The following MAP4K4 variants were observed in gnomAD, a reference collection of about 807,000 sequenced individuals.
MAP4K4 encodes HPK/GCK-like kinase HGK.
In MAP4K4, 38 loss-of-function variants were observed where a neutral mutation model predicts 189.6. The observed-to-expected ratio is 0.20, with a 90% CI of 0.15 to 0.26. MAP4K4 has a LOEUF of 0.26. Among genes scored for constraint, MAP4K4 ranks in the 10% least tolerant of loss-of-function variants. The pLI is 1.00. For missense variants in MAP4K4, 1,054 were observed against 1,726.9 expected (o/e 0.61, Z 6.91); for synonymous variants, 610 against 624.3 (o/e 0.98, Z 0.34).
At chr2:101,819,713 GGAT>G (rs1210621047) in intron 3 of MAP4K4, among the ~76,000 whole-genome samples, 1 of 152,130 alleles carries the variant, frequency 6.6e-6, no homozygotes. Flanking sequence ...CTGTATTTCT[GGAT>G]GATATTTCGG....
chr2:101,831,679 T>G, intron 6 of MAP4K4, 42 bp from the exon 7 acceptor site: 1 of 1,561,912 alleles, frequency 6.4e-7, no homozygotes, highest in Non-Finnish European at 8.7e-7. Flanking sequence ...GGTTTGTAGT[T>G]GTGTTTATCT....
intron 2 of MAP4K4, among the ~76,000 whole-genome samples, chr2:101,761,335 T>C (rs2076288116): frequency 6.6e-6 from 1 of 152,146 alleles, no homozygotes; most frequent in Non-Finnish European, 1.5e-5. Context: ...TTTTTTATGA[T>C]AGTGTAGATT....
At chr2:101,812,944 A>C (rs1027492487) in intron 3 of MAP4K4, among the ~76,000 whole-genome samples, 1 of 152,106 alleles carries the variant, frequency 6.6e-6, no homozygotes, top group East Asian at 1.9e-4. Flanking sequence ...TGGCTAACAC[A>C]TGGTGAAACC....
rs931239796 is a variant in MAP4K4, at chr2:101,719,884, C to T, written c.123+21346C>T. 4.6e-5 allele frequency among the ~76,000 whole-genome samples: 7 copies of T among 151,792 alleles called. No individual in the cohort carries two copies. The South Asian group carries it at 6.3e-4, about 14-fold the overall frequency. On this transcript the variant is annotated intron_variant, in intron 2 of 32. Transcript: ENST00000324219. ...AAAATTAGCCGGGCGTGGTGGCGGG[C>T]GCCTGTAGTCCCAGCTACTTGGGAG...
At position 101,817,633 on chromosome 2, in the gene MAP4K4, C is replaced by T. The variant is rs369932970; in HGVS notation, c.181-6295C>T. ...TAGAAGATGGAGGGGATCCAGAGGG[C>T]GCGCTGGGGGCTTTGCTGTGTGTAG... On this transcript the variant is annotated intron_variant, in intron 3 of 32. Coordinates refer to ENST00000324219, the Ensembl canonical transcript of MAP4K4. Among the ~76,000 whole-genome samples, 49 of 152,252 alleles carry T rather than the reference C, an allele frequency of 3.2e-4. 1 individual carries two copies. The highest frequency in any genetic ancestry group is 1.4e-3 in the East Asian group (7 of 5,178).
At chr2:101,743,576 C>A (rs2063790791) in intron 2 of MAP4K4, among the ~76,000 whole-genome samples, 2 of 152,114 alleles carry the variant, frequency 1.3e-5, no homozygotes, top group South Asian at 4.1e-4. Flanking sequence ...CCATTCTGCC[C>A]TCCCCACTTC....
intron 2 of MAP4K4, among the ~76,000 whole-genome samples, chr2:101,749,335 G>A (rs1253452325): frequency 3.3e-5 from 5 of 151,508 alleles, no homozygotes; most frequent in Admixed American, 6.6e-5. Context: ...GAACAGAACA[G>A]AGCCCTCAGA....
At chr2:101,725,387 C>CAAAAAAAAAAAAAAAAAA (rs547130880) in intron 2 of MAP4K4, among the ~76,000 whole-genome samples, 4 of 110,878 alleles carry the variant, frequency 3.6e-5, no homozygotes, top group South Asian at 5.4e-4. Context: ...AAAAGATAAG[C>CAAAAAAAAAAAAAAAAAA]AAAAAAAAAA....
At chr2:101,823,187 TGTG>T (rs1203445835) in intron 3 of MAP4K4, among the ~76,000 whole-genome samples, 1 of 152,202 alleles carries the variant, frequency 6.6e-6, no homozygotes, top group Non-Finnish European at 1.5e-5. Context: ...TTTCCAGACT[TGTG>T]TCACTATCTG....
At chr2:101,700,175 A>G (rs1395249687) in intron 2 of MAP4K4, among the ~76,000 whole-genome samples, 2 of 152,226 alleles carry the variant, frequency 1.3e-5, no homozygotes, top group East Asian at 1.9e-4. Context: ...AGAAGGCGAT[A>G]TAGTCTTTAA....
chr2:101,721,661 T>G (rs2052169344), intron 2 of MAP4K4, among the ~76,000 whole-genome samples: 1 of 152,156 alleles, frequency 6.6e-6, no homozygotes, highest in African/African-American at 2.4e-5. Flanking sequence ...GGTCTTGAAC[T>G]CCTGACCTCG....
rs1227151739 is a variant in MAP4K4, at chr2:101,891,150, T to C, written c.4072-16T>C. The C allele has an allele frequency of 6.2e-7, 1 of 1,609,590 alleles. No individual in the cohort carries two copies. The highest frequency in any genetic ancestry group is 2.2e-5 in the East Asian group (1 of 44,844). ...TGACCATGGTAACCATTCCCTCTCT[T>C]TTCTTGCTTTTGCAGGTGTTCTTTG... On this transcript the variant is annotated splice_polypyrimidine_tract_variant and intron_variant, in intron 32 of 32. Coordinates refer to ENST00000324219, the Ensembl canonical transcript of MAP4K4.
intron 5 of MAP4K4, 134 bp from the exon 6 acceptor site, chr2:101,829,370 C>G: frequency 1.6e-6 from 1 of 613,566 alleles, no homozygotes; most frequent in Non-Finnish European, 3.0e-6. Flanking sequence ...TGGGAATGCA[C>G]TAAGACGAAG....
intron 2 of MAP4K4, among the ~76,000 whole-genome samples, chr2:101,712,250 A>C (rs2046013564): frequency 1.3e-5 from 2 of 152,102 alleles, no homozygotes; most frequent in Non-Finnish European, 2.9e-5. Context: ...GCTGGAGTAC[A>C]GTGGTGCGAT....
chr2:101,892,749 C>T (rs1479030507), exon 33 of MAP4K4: 2 of 370,656 alleles, frequency 5.4e-6, no homozygotes, highest in Non-Finnish European at 1.1e-5. Flanking sequence ...TTTTTTAAAC[C>T]AATTTTACTT....
At chr2:101,734,784 C>CTGCT (rs2059742712) in intron 2 of MAP4K4, among the ~76,000 whole-genome samples, 1 of 152,100 alleles carries the variant, frequency 6.6e-6, no homozygotes, top group Non-Finnish European at 1.5e-5. Context: ...TGCTCTTGGC[C>CTGCT]TGCTGTTCAG....
chr2:101,817,652 T>C (rs2095805828), intron 3 of MAP4K4, among the ~76,000 whole-genome samples: 1 of 152,118 alleles, frequency 6.6e-6, no homozygotes, highest in African/African-American at 2.4e-5. Context: ...GGCTTTGCTG[T>C]GTGTAGTAAA....
chr2:101,760,726 C>T lies in MAP4K4; in HGVS notation c.124-29994C>T, dbSNP rs563639248. Among the ~76,000 whole-genome samples, 20 of 151,968 alleles carry T rather than the reference C, an allele frequency of 1.3e-4. No homozygotes were observed. The East Asian group carries it at 1.9e-3, about 15-fold the overall frequency. On this transcript the variant is annotated intron_variant, in intron 2 of 32. Transcript: ENST00000324219. Reference sequence around the variant, plus strand: ...GAATAATATAAGAAAATTGTTGGCCCGGCGCAGTGGCTCACGCCTGTAATC... The same window carrying T: ...GAATAATATAAGAAAATTGTTGGCCTGGCGCAGTGGCTCACGCCTGTAATC...
At chr2:101,808,960 A>G (rs1323143977) in intron 3 of MAP4K4, among the ~76,000 whole-genome samples, 2 of 152,226 alleles carry the variant, frequency 1.3e-5, no homozygotes, top group African/African-American at 2.4e-5. Flanking sequence ...TTTGCGGAGT[A>G]AAGCTATTTC....
Sources: allele counts gnomAD v4.1 joint callset (sites outside exome capture counted in the v4.1 genomes callset), GRCh38; gene constraint gnomAD v4.1.1; transcripts MANE v1.5; gene names NCBI Gene and HGNC (gene_info 2026-07-23, HGNC 2026-07-21).